The following NEDD4 variants were observed in gnomAD, a reference collection of about 807,000 sequenced individuals.
NEDD4 encodes the protein E3 ubiquitin-protein ligase NEDD4.
A neutral mutation model predicts 144.9 loss-of-function variants in NEDD4; 99 were observed. The observed-to-expected ratio is 0.68, with a 90% confidence interval of 0.58 to 0.81. NEDD4 has a LOEUF of 0.81. NEDD4 is among the 30% of genes least tolerant of loss of function. The probability of loss-of-function intolerance (pLI) is 0.00; values close to 1 mark genes in which losing one functional copy is unlikely to be tolerated. For synonymous variants in NEDD4, 318 were observed against 350.6 expected (o/e 0.91, Z 1.04); for missense variants, 985 against 1,065.9 (o/e 0.92, Z 1.06).
chr15:55,964,990 T>A (rs1466295978), intron 2 of NEDD4, among the ~76,000 whole-genome samples: 1 of 152,046 alleles, frequency 6.6e-6, no homozygotes, highest in Non-Finnish European at 1.5e-5. Flanking sequence ...TTGTGTACGC[T>A]AGGTCCCCTT....
intron 5 of NEDD4, among the ~76,000 whole-genome samples, chr15:55,887,690 T>TGTATAAGGTGAGAA: frequency 6.6e-6 from 1 of 152,068 alleles, no homozygotes; most frequent in East Asian, 1.9e-4. Context: ...AAAAGAAAAC[T>TGTATAAGGTGAGAA]ACAGGGCCAA....
chr15:55,956,368 C>T (rs1448847115), intron 2 of NEDD4, among the ~76,000 whole-genome samples: 5 of 152,110 alleles, frequency 3.3e-5, no homozygotes, highest in African/African-American at 4.8e-5. Context: ...GTACTGTTCA[C>T]GTAAACTTTG....
rs566634027 is a variant in NEDD4, at chr15:55,903,641, C to T, written c.291+21005G>A. The stretch of plus-strand genomic sequence containing the variant: ...AGATCGAGACCATCCTAGCTAAACA[C>T]GGTGAAACCTCAGCTCTACTAAAAA... On this transcript the variant is annotated intron_variant, in intron 5 of 28. Transcript: ENST00000435532. Among the ~76,000 whole-genome samples, 214 of 151,000 alleles carry T rather than the reference C, an allele frequency of 1.4e-3. 1 individual carries two copies. Among genetic ancestry groups the T allele is most frequent in the African/African-American group, 4.9e-3 (201 of 41,128 alleles).
chr15:55,891,530 C>T (rs1465531179), intron 5 of NEDD4, among the ~76,000 whole-genome samples: 2 of 152,128 alleles, frequency 1.3e-5, no homozygotes, highest in Non-Finnish European at 2.9e-5. Flanking sequence ...AGAGTTATTT[C>T]CTATATTTGA....
chr15:55,883,412 T>G (rs2035265713), intron 5 of NEDD4, among the ~76,000 whole-genome samples: 1 of 152,186 alleles, frequency 6.6e-6, no homozygotes, highest in African/African-American at 2.4e-5. Flanking sequence ...CTCCAGGCCC[T>G]GACTTCTAGA....
intron 5 of NEDD4, among the ~76,000 whole-genome samples, chr15:55,904,137 CA>C (rs1404040293): frequency 6.6e-6 from 1 of 151,996 alleles, no homozygotes; most frequent in African/African-American, 2.4e-5. Flanking sequence ...ACTCCAGGGA[CA>C]AGAGCAAGAC....
At chr15:55,875,894 G>A (rs1439532272) in intron 5 of NEDD4, among the ~76,000 whole-genome samples, 4 of 152,050 alleles carry the variant, frequency 2.6e-5, no homozygotes, top group African/African-American at 9.7e-5. Context: ...AAAAACACAA[G>A]CTGAGACAGT....
intron 2 of NEDD4, among the ~76,000 whole-genome samples, chr15:55,957,106 G>A (rs1212057330): frequency 6.6e-6 from 1 of 152,294 alleles, no homozygotes; most frequent in South Asian, 2.1e-4. Context: ...ATAGGATACA[G>A]AAATATAACT....
intron 1 of NEDD4, among the ~76,000 whole-genome samples, chr15:55,978,532 T>C (rs1380837252): frequency 1.3e-5 from 2 of 152,208 alleles, no homozygotes; most frequent in African/African-American, 2.4e-5. Context: ...TTCAATAATT[T>C]TAGAATTCTG....
intron 1 of NEDD4, among the ~76,000 whole-genome samples, chr15:55,977,206 G>C (rs2037718509): frequency 6.6e-6 from 1 of 152,194 alleles, no homozygotes; most frequent in Non-Finnish European, 1.5e-5. Flanking sequence ...ATGATGGACA[G>C]CATATATGAT....
intron 2 of NEDD4, among the ~76,000 whole-genome samples, chr15:55,954,540 T>TC (rs1222879472): frequency 6.6e-6 from 1 of 152,192 alleles, no homozygotes; most frequent in Non-Finnish European, 1.5e-5. Flanking sequence ...CTTTTTTTTT[T>TC]TGAGATGGAG....
Position 55,859,145 on chromosome 15 carries a change from T to A in NEDD4, c.960+1262A>T, listed in dbSNP as rs183122869. Among the ~76,000 whole-genome samples the A allele has an allele frequency of 2.8e-4, 43 of 152,330 alleles. No individual in the cohort carries two copies. In the East Asian group the frequency reaches 7.9e-3, roughly 28 times the overall value. ...TAACTAAATGAAAGGCAGGGAAACC[T>A]CAACTGGAAATGACAAATAGCATCC... On this transcript the variant is annotated intron_variant, in intron 11 of 28. Coordinates refer to ENST00000435532, the MANE Select transcript of NEDD4 (RefSeq NM_006154.4).
intron 5 of NEDD4, chr15:55,915,700 C>T (rs539741344): frequency 1.9e-6 from 3 of 1,613,962 alleles, no homozygotes; most frequent in Non-Finnish European, 1.7e-6. Flanking sequence ...GTGAAATGCA[C>T]TGAAACACAA....
chr15:55,854,304 G>C (rs187186023), intron 12 of NEDD4, among the ~76,000 whole-genome samples: 1 of 152,200 alleles, frequency 6.6e-6, no homozygotes, highest in African/African-American at 2.4e-5. Context: ...CTAAATACAC[G>C]GGAGTCCTAC....
rs2035622204 is a variant in NEDD4, at chr15:55,893,044, A to G, written c.292-19036T>C. 2.0e-5 allele frequency among the ~76,000 whole-genome samples: 3 copies of G among 152,186 alleles called. No individual in the cohort carries two copies. In the South Asian group the frequency reaches 6.2e-4, roughly 32 times the overall value. On this transcript the variant is annotated intron_variant, in intron 5 of 28. Coordinates refer to ENST00000435532, the MANE Select transcript of NEDD4 (RefSeq NM_006154.4). ...TTTATTTTGTGTAACAATAAAGATT[A>G]CAGTAAACTAACCTGAGATAGAAAC...
chr15:55,932,478 G>C (rs1485263314), intron 4 of NEDD4, among the ~76,000 whole-genome samples: 5 of 152,184 alleles, frequency 3.3e-5, no homozygotes, highest in Non-Finnish European at 7.3e-5. Flanking sequence ...GTAGAAAGCT[G>C]AAACTGGATC....
chr15:55,842,801 T>C (rs568076168), intron 18 of NEDD4, among the ~76,000 whole-genome samples: 1 of 152,340 alleles, frequency 6.6e-6, no homozygotes, highest in South Asian at 2.1e-4. Flanking sequence ...CTGCTAGCTG[T>C]TGTGCCTGTC....
intron 5 of NEDD4, among the ~76,000 whole-genome samples, chr15:55,907,403 G>C (rs1262438146): frequency 6.6e-6 from 1 of 152,132 alleles, no homozygotes. Context: ...ATGTTTAGGT[G>C]TTTACCTGCA....
At chr15:55,883,613 T>G (rs2035275237) in intron 5 of NEDD4, among the ~76,000 whole-genome samples, 1 of 151,908 alleles carries the variant, frequency 6.6e-6, no homozygotes, top group African/African-American at 2.4e-5. Flanking sequence ...TTTGACCCAG[T>G]GCATTCCCAG....
Sources: gnomAD v4.1 joint callset for allele counts (sites outside exome capture counted in the v4.1 genomes callset) on GRCh38, gnomAD v4.1.1 for gene constraint, MANE v1.5 for transcripts, NCBI Gene and HGNC (gene_info 2026-07-23, HGNC 2026-07-21) for gene names.